RAB14: variants seen among roughly 807,000 people sequenced by gnomAD.
The protein encoded by RAB14 is ras-related protein Rab-14.
Under a neutral mutation model 31.1 loss-of-function variants are expected in RAB14, and 3 were observed. The observed-to-expected ratio is 0.10, with a 90% confidence interval of 0.04 to 0.25. RAB14 has a LOEUF of 0.25. Among genes scored for constraint, RAB14 ranks in the 10% least tolerant of loss-of-function variants. The pLI, the probability that RAB14 is intolerant of heterozygous loss-of-function variation, is 1.00. For missense variants in RAB14, 111 were observed against 260.1 expected (o/e 0.43, Z 3.94); for synonymous variants, 85 against 84.9 (o/e 1.00, Z 0.00).
At chr9:121,198,558 A>C (rs1164795079) in intron 1 of RAB14, among the ~76,000 whole-genome samples, 1 of 152,208 alleles carries the variant, frequency 6.6e-6, no homozygotes, top group Non-Finnish European at 1.5e-5. Context: ...CAGGTAATTT[A>C]ATTCTTATCC....
At chr9:121,183,658 T>C (rs1470447341) in intron 5 of RAB14, among the ~76,000 whole-genome samples, 1 of 152,206 alleles carries the variant, frequency 6.6e-6, no homozygotes, top group Non-Finnish European at 1.5e-5. Flanking sequence ...GTGGGCCTCA[T>C]ATGGTCTCTG....
intron 1 of RAB14, among the ~76,000 whole-genome samples, chr9:121,199,834 G>A (rs1318510035): frequency 6.6e-6 from 1 of 152,068 alleles, no homozygotes; most frequent in Non-Finnish European, 1.5e-5. Context: ...ATCTACCCGT[G>A]GTCATACTAC....
chr9:121,190,418 T>TA (rs1401586279), intron 4 of RAB14, 136 bp downstream of exon 4: 1 of 859,334 alleles, frequency 1.2e-6, no homozygotes, highest in Non-Finnish European at 1.7e-6. Flanking sequence ...CATGGCAACT[T>TA]AAGAAACCAT....
intron 4 of RAB14, 114 bp from the exon 5 acceptor site, chr9:121,187,133 C>G (rs1396076207): frequency 1.8e-6 from 1 of 559,856 alleles, no homozygotes; most frequent in Middle Eastern, 5.0e-4. Flanking sequence ...TTGCTTTGAC[C>G]AGTTACTCAG....
In RAB14 at chr9:121,180,906, T is replaced by C. The variant is rs1014133813; in HGVS notation, c.*490A>G. The C allele has an allele frequency of 1.3e-5, 2 of 152,684 alleles. No homozygotes were observed. Among genetic ancestry groups the C allele is most frequent in the African/African-American group, 4.8e-5 (2 of 41,424 alleles). 9.5% of individuals were successfully genotyped at this position (152,684 alleles called of 1,614,324 possible). On this transcript the variant is annotated 3_prime_UTR_variant, in exon 8 of 8. Coordinates refer to ENST00000373840, the MANE Select transcript of RAB14 (RefSeq NM_016322.4). ...TGCCACCCACACAACAGGAAATTTATCCAAAACAAAACAAAAGCAGTTATA... is the reference window on the plus strand; with the variant it reads ...TGCCACCCACACAACAGGAAATTTACCCAAAACAAAACAAAAGCAGTTATA...
At position 121,192,159 on chromosome 9, in the gene RAB14, T is replaced by C; in HGVS notation, c.106+12A>G. Reference sequence around the variant, plus strand: ...GAAAACTATTAATGTTTACCTCATGTATTGAACTTACATTTTTTTTCTGTA... The same window carrying C: ...GAAAACTATTAATGTTTACCTCATGCATTGAACTTACATTTTTTTTCTGTA... On this transcript the variant is annotated intron_variant, in intron 3 of 7. Coordinates refer to ENST00000373840, the MANE Select transcript of RAB14 (RefSeq NM_016322.4). 6.4e-7 allele frequency: 1 copy of C among 1,550,652 alleles called. No individual in the cohort carries two copies. Among genetic ancestry groups the C allele is most frequent in the Non-Finnish European group, 8.9e-7 (1 of 1,126,580 alleles).
chr9:121,189,888 A>C (rs1255716997), intron 4 of RAB14, among the ~76,000 whole-genome samples: 1 of 152,160 alleles, frequency 6.6e-6, no homozygotes, highest in Admixed American at 6.6e-5. Context: ...TACAGTAGAC[A>C]AACAGTGCAG....
At chr9:121,185,782 CG>C (rs1808029985) in intron 5 of RAB14, among the ~76,000 whole-genome samples, 1 of 152,030 alleles carries the variant, frequency 6.6e-6, no homozygotes, top group Admixed American at 6.6e-5. Flanking sequence ...AGAGATGTTC[CG>C]AACTGTTTAA....
intron 2 of RAB14, 26 bp from the exon 3 acceptor site, chr9:121,192,250 G>C: frequency 6.4e-7 from 1 of 1,551,048 alleles, no homozygotes; most frequent in South Asian, 1.2e-5. Flanking sequence ...GAAGTTTCAG[G>C]TGGCAATTAC....
intron 5 of RAB14, among the ~76,000 whole-genome samples, chr9:121,185,816 G>A (rs1321853108): frequency 1.3e-5 from 2 of 152,116 alleles, no homozygotes; most frequent in African/African-American, 4.8e-5. Flanking sequence ...CAATGGCCAG[G>A]TTGGGAAACA....
At chr9:121,199,885 T>C (rs2053746018) in intron 1 of RAB14, among the ~76,000 whole-genome samples, 1 of 152,224 alleles carries the variant, frequency 6.6e-6, no homozygotes, top group South Asian at 2.1e-4. Context: ...GGTTTAACTC[T>C]ACATGTAGCT....
In RAB14 at chr9:121,180,067, T is replaced by C. The variant is rs111943251; in HGVS notation, c.*1329A>G. Reference sequence around the variant, plus strand: ...ACCTGGTGCAAAGTAATAACTTACTTTGTATCAGCACAAGCGCTGAAACAC... The same window carrying C: ...ACCTGGTGCAAAGTAATAACTTACTCTGTATCAGCACAAGCGCTGAAACAC... On this transcript the variant is annotated 3_prime_UTR_variant, in exon 8 of 8. Transcript: ENST00000373840. 4 of 152,692 alleles carry C rather than the reference T, an allele frequency of 2.6e-5. No homozygotes were observed. The highest frequency in any genetic ancestry group is 9.6e-5 in the African/African-American group (4 of 41,472). 9.5% of individuals were successfully genotyped at this position (152,692 alleles called of 1,614,324 possible).
At chr9:121,182,513 C>T (rs1207997350) in intron 7 of RAB14, among the ~76,000 whole-genome samples, 1 of 152,220 alleles carries the variant, frequency 6.6e-6, no homozygotes, top group Non-Finnish European at 1.5e-5. Flanking sequence ...GTTCACTATG[C>T]TTCTGAGTAG....
At chr9:121,189,219 CAGCTG>C (rs1369722261) in intron 4 of RAB14, among the ~76,000 whole-genome samples, 2 of 152,172 alleles carry the variant, frequency 1.3e-5, no homozygotes, top group Non-Finnish European at 2.9e-5. Context: ...TGGTTGTTCC[CAGCTG>C]AAGTACTTTT....
At chr9:121,192,771 A>C (rs2053694066) in intron 2 of RAB14, among the ~76,000 whole-genome samples, 1 of 152,122 alleles carries the variant, frequency 6.6e-6, no homozygotes, top group Non-Finnish European at 1.5e-5. Context: ...CCCTTGATGA[A>C]GGAAACATTA....
intron 5 of RAB14, among the ~76,000 whole-genome samples, chr9:121,185,458 T>C (rs955115424): frequency 2.3e-4 from 35 of 152,104 alleles, no homozygotes; most frequent in African/African-American, 8.5e-4. Context: ...TAATTTTATC[T>C]CAGGTGCAGA....
intron 1 of RAB14, among the ~76,000 whole-genome samples, 185 bp downstream of exon 1, chr9:121,201,454 A>T: frequency 6.6e-6 from 1 of 151,996 alleles, no homozygotes. Context: ...CCCGCCCAGG[A>T]GTCCTGTCAG....
intron 1 of RAB14, among the ~76,000 whole-genome samples, chr9:121,196,320 GA>G (rs1356246479): frequency 1.3e-5 from 2 of 151,880 alleles, no homozygotes; most frequent in Non-Finnish European, 2.9e-5. Flanking sequence ...GCCTTTAAAG[GA>G]AAAAAAGTAC....
rs113311680 is a variant in RAB14 at position 121,195,149 on chromosome 9, C to T, written c.-7-1730G>A. ...ACTAAAACTGGTCTGGATTATTTAC[C>T]TGATCTCTGAACCAGATGCCAAACA... On this transcript the variant is annotated intron_variant, in intron 1 of 7. Transcript: ENST00000373840. Among the ~76,000 whole-genome samples the T allele has an allele frequency of 8.5e-4, 129 of 152,202 alleles. 1 individual carries two copies. Among genetic ancestry groups the T allele is most frequent in the African/African-American group, 2.1e-3 (87 of 41,548 alleles).
Sources: allele counts gnomAD v4.1 joint callset (sites outside exome capture counted in the v4.1 genomes callset), GRCh38; gene constraint gnomAD v4.1.1; transcripts MANE v1.5; gene names NCBI Gene and HGNC (gene_info 2026-07-23, HGNC 2026-07-21).